SGCZ: variants seen among roughly 807,000 people sequenced by gnomAD.
SGCZ encodes zeta-sarcoglycan.
SGCZ carries 40 observed loss-of-function variants against 41.3 expected under a neutral mutation model. The observed-to-expected ratio is 0.97, with a 90% CI of 0.75 to 1.26. SGCZ has a LOEUF of 1.26. Among genes scored for constraint, SGCZ ranks in the 50% most tolerant of loss-of-function variants. The pLI, the probability that SGCZ is intolerant of heterozygous loss-of-function variation, is 0.00. For synonymous variants in SGCZ, 206 were observed against 137.5 expected, an observed-to-expected ratio of 1.50 and a Z score of -3.49; for missense variants, 552 against 369.8, an observed-to-expected ratio of 1.49 and a Z score of -4.04.
chr8:14,926,645 T>A (rs940515352), intron 1 of SGCZ, among the ~76,000 whole-genome samples: 1 of 150,384 alleles, frequency 6.6e-6, no homozygotes, highest in Non-Finnish European at 1.5e-5. Flanking sequence ...GTGTGTGTGG[T>A]TTTTTTTTGT....
At chr8:14,539,279 T>C (rs1391431179) in intron 2 of SGCZ, among the ~76,000 whole-genome samples, 1 of 151,958 alleles carries the variant, frequency 6.6e-6, no homozygotes, top group Non-Finnish European at 1.5e-5. Context: ...ACCAATTCTG[T>C]AACATCTCTC....
chr8:15,112,073 T>A (rs1207559782), intron 1 of SGCZ, among the ~76,000 whole-genome samples: 1 of 152,126 alleles, frequency 6.6e-6, no homozygotes, highest in Admixed American at 6.5e-5. Context: ...GCTCTCTTTT[T>A]CTCTCTTTTG....
At chr8:14,376,418 G>C (rs763763359) in intron 2 of SGCZ, among the ~76,000 whole-genome samples, 46 of 152,162 alleles carry the variant, frequency 3.0e-4, no homozygotes, top group Non-Finnish European at 5.1e-4. Context: ...ACTGTATGCA[G>C]AGAGATTTGA....
chr8:15,199,850 G>A lies in SGCZ; in HGVS notation c.39+37735C>T, dbSNP rs1177379247. ...GCGGAAAAAAATTTCTTGTTGAAAT[G>A]GGCAGAATAGGACAAGCATTTCTTA... On this transcript the variant is annotated intron_variant, in intron 1 of 7. Coordinates refer to ENST00000382080, the MANE Select transcript of SGCZ (RefSeq NM_139167.4). 9.2e-5 allele frequency among the ~76,000 whole-genome samples: 14 copies of A among 152,120 alleles called. 1 individual carries two copies. Among genetic ancestry groups the A allele is most frequent in the Admixed American group, 7.9e-4 (12 of 15,270 alleles).
At chr8:14,626,285 A>G (rs1172040678) in intron 1 of SGCZ, among the ~76,000 whole-genome samples, 1 of 151,936 alleles carries the variant, frequency 6.6e-6, no homozygotes, top group African/African-American at 2.4e-5. Flanking sequence ...TACATCAGCT[A>G]TTTGTCCTGA....
chr8:14,441,814 T>C (rs1029937685), intron 2 of SGCZ, among the ~76,000 whole-genome samples: 1 of 152,194 alleles, frequency 6.6e-6, no homozygotes. Flanking sequence ...TGTCAGTTTC[T>C]ATAGCTTTTT....
chr8:14,269,949 A>C (rs1272001678), intron 3 of SGCZ, among the ~76,000 whole-genome samples: 1 of 152,214 alleles, frequency 6.6e-6, no homozygotes, highest in Non-Finnish European at 1.5e-5. Context: ...AAAAATTTTA[A>C]ACACCATATA....
At chr8:14,398,051 C>A (rs866499638) in intron 2 of SGCZ, among the ~76,000 whole-genome samples, 1 of 151,980 alleles carries the variant, frequency 6.6e-6, no homozygotes, top group Non-Finnish European at 1.5e-5. Flanking sequence ...CTTTTTGTGA[C>A]CCTCAATTGA....
chr8:15,043,752 T>C (rs1804198421), intron 1 of SGCZ, among the ~76,000 whole-genome samples: 1 of 152,148 alleles, frequency 6.6e-6, no homozygotes, highest in Non-Finnish European at 1.5e-5. Context: ...TATTTTATAA[T>C]AAAATAAAAT....
intron 1 of SGCZ, among the ~76,000 whole-genome samples, chr8:14,776,438 T>A (rs1800403377): frequency 6.6e-6 from 1 of 152,164 alleles, no homozygotes; most frequent in East Asian, 1.9e-4. Flanking sequence ...ATTAAACCTG[T>A]TTCCTTTATA....
Position 15,022,743 on chromosome 8 carries a change from T to C in SGCZ, c.39+214842A>G, listed in dbSNP as rs1488186850. Among the ~76,000 whole-genome samples, 3 of 152,216 alleles carry C rather than the reference T, an allele frequency of 2.0e-5. 1 individual carries two copies. The highest frequency in any genetic ancestry group is 4.4e-5 in the Non-Finnish European group (3 of 68,032). On this transcript the variant is annotated intron_variant, in intron 1 of 7. Transcript: ENST00000382080. Reference sequence around the variant, plus strand: ...TAGAGACAAAACATGGCAATAGTAATAACTATTATAACTTTCATATTCAAT... The same window carrying C: ...TAGAGACAAAACATGGCAATAGTAACAACTATTATAACTTTCATATTCAAT...
chr8:14,777,820 T>G (rs993499324), intron 1 of SGCZ, among the ~76,000 whole-genome samples: 1 of 151,818 alleles, frequency 6.6e-6, no homozygotes, highest in African/African-American at 2.4e-5. Flanking sequence ...TGGCAAAATG[T>G]TAATTGAATC....
At chr8:15,178,025 C>T (rs1800052032) in intron 1 of SGCZ, among the ~76,000 whole-genome samples, 2 of 152,160 alleles carry the variant, frequency 1.3e-5, no homozygotes, top group Admixed American at 6.5e-5. Flanking sequence ...AAGCCCCATG[C>T]TTGGGGCCTA....
chr8:14,180,208 G>T (rs1164229599), intron 4 of SGCZ, among the ~76,000 whole-genome samples: 1 of 152,106 alleles, frequency 6.6e-6, no homozygotes, highest in African/African-American at 2.4e-5. Context: ...CCCATAAAAG[G>T]GTGAGGGCGA....
At chr8:14,813,524 A>C (rs1029497957) in intron 1 of SGCZ, among the ~76,000 whole-genome samples, 2 of 152,246 alleles carry the variant, frequency 1.3e-5, no homozygotes, top group Admixed American at 6.5e-5. Flanking sequence ...GTCAAATAAG[A>C]CTAACAGGGA....
At position 14,641,763 on chromosome 8, in the gene SGCZ, G is replaced by A. The variant is rs915917523; in HGVS notation, c.40-86837C>T. On this transcript the variant is annotated intron_variant, in intron 1 of 7. Coordinates refer to ENST00000382080, the MANE Select transcript of SGCZ (RefSeq NM_139167.4). ...ACATAAATTATAAACCCACTTTCTA[G>A]CGTATGGGCTAGTAAAACTGTAGAG... Among the ~76,000 whole-genome samples the A allele has an allele frequency of 1.3e-5, 2 of 151,492 alleles. 1 individual carries two copies. Among genetic ancestry groups the A allele is most frequent in the East Asian group, 3.9e-4 (2 of 5,150 alleles).
intron 1 of SGCZ, among the ~76,000 whole-genome samples, chr8:14,676,650 T>C (rs1465794350): frequency 1.3e-5 from 2 of 151,926 alleles, no homozygotes; most frequent in Non-Finnish European, 2.9e-5. Flanking sequence ...ATTAGAAAAA[T>C]ACAAGATATG....
intron 2 of SGCZ, among the ~76,000 whole-genome samples, chr8:14,339,024 C>A (rs1460430852): frequency 1.3e-5 from 2 of 152,092 alleles, no homozygotes; most frequent in African/African-American, 4.8e-5. Context: ...GAAATTAGTA[C>A]ATTAATATTT....
chr8:14,157,077 C>A (rs1201529807), intron 5 of SGCZ, among the ~76,000 whole-genome samples: 4 of 151,910 alleles, frequency 2.6e-5, no homozygotes, highest in African/African-American at 9.7e-5. Context: ...TTTTCTATGA[C>A]TGGCTGCAAA....
Sources: gnomAD v4.1 joint callset for allele counts (sites outside exome capture counted in the v4.1 genomes callset) on GRCh38, gnomAD v4.1.1 for gene constraint, MANE v1.5 for transcripts, NCBI Gene and HGNC (gene_info 2026-07-23, HGNC 2026-07-21) for gene names.